The following MDGA2 variants were observed in gnomAD, a reference collection of about 807,000 sequenced individuals.
The protein encoded by MDGA2 is MAM domain-containing glycosylphosphatidylinositol anchor protein 2.
A neutral mutation model predicts 117.8 loss-of-function variants in MDGA2; 40 were observed. The ratio of observed to expected loss-of-function variants is 0.34; its 90% CI spans 0.26 to 0.44. MDGA2 has a LOEUF of 0.44. Among genes scored for constraint, MDGA2 ranks in the 20% least tolerant of loss-of-function variants. MDGA2 has a pLI of 1.00. For synonymous variants in MDGA2, 452 were observed against 439.0 expected, an observed-to-expected ratio of 1.03 and a Z score of -0.37; for missense variants, 1,123 against 1,250.6, an observed-to-expected ratio of 0.90 and a Z score of 1.54.
intron 1 of MDGA2, among the ~76,000 whole-genome samples, chr14:47,508,449 G>A (rs1342250156): frequency 4.7e-5 from 7 of 149,576 alleles, no homozygotes; most frequent in African/African-American, 1.8e-4. Context: ...GAAACAGAAG[G>A]GAAAAAAGAA....
chr14:47,183,950 C>A (rs1380236497), intron 3 of MDGA2, among the ~76,000 whole-genome samples: 1 of 152,010 alleles, frequency 6.6e-6, no homozygotes, highest in African/African-American at 2.4e-5. Flanking sequence ...TCAACTTAGA[C>A]ATCAATTCCA....
chr14:46,985,041 AAAG>A (rs777675793), intron 8 of MDGA2, among the ~76,000 whole-genome samples: 1 of 152,024 alleles, frequency 6.6e-6, no homozygotes, highest in Non-Finnish European at 1.5e-5. Context: ...GACAGCAGTA[AAAG>A]AAGAATAGAG....
intron 1 of MDGA2, among the ~76,000 whole-genome samples, chr14:47,569,349 A>G (rs1260507021): frequency 6.6e-6 from 1 of 152,304 alleles, no homozygotes; most frequent in East Asian, 1.9e-4. Context: ...CAGGGGATGG[A>G]TCTTGAGTAC....
chr14:46,966,635 T>A (rs1886041072), intron 8 of MDGA2, among the ~76,000 whole-genome samples: 1 of 152,152 alleles, frequency 6.6e-6, no homozygotes, highest in South Asian at 2.1e-4. Flanking sequence ...TATATTATAA[T>A]CTATACAAGT....
intron 3 of MDGA2, among the ~76,000 whole-genome samples, chr14:47,152,588 A>G (rs1449482366): frequency 6.6e-6 from 1 of 152,192 alleles, no homozygotes; most frequent in Non-Finnish European, 1.5e-5. Context: ...TATGTTCATT[A>G]TCTTCATGCA....
chr14:47,298,908 G>A (rs925704625), intron 2 of MDGA2, among the ~76,000 whole-genome samples: 3 of 151,790 alleles, frequency 2.0e-5, no homozygotes, highest in Admixed American at 2.0e-4. Context: ...GGATGGTCTC[G>A]ATCTCCTGAC....
At chr14:47,624,151 C>T (rs918666365) in intron 1 of MDGA2, among the ~76,000 whole-genome samples, 6 of 152,280 alleles carry the variant, frequency 3.9e-5, no homozygotes, top group African/African-American at 1.4e-4. Context: ...GTCCTCGTTC[C>T]TTTTGTCTGA....
chr14:46,861,949 A>G lies in MDGA2; in HGVS notation c.2753-6795T>C, dbSNP rs867948702. On this transcript the variant is annotated intron_variant, in intron 14 of 16. Coordinates refer to ENST00000399232, the MANE Select transcript of MDGA2 (RefSeq NM_001113498.3). ...CTATTCAAGAGAAGTTAGATTCAGC[A>G]AAGCTGATTCAGCACATTATAGTAT... Among the ~76,000 whole-genome samples, 4 of 152,014 alleles carry G rather than the reference A, an allele frequency of 2.6e-5. No homozygotes were observed. The South Asian group carries it at 8.3e-4, about 31-fold the overall frequency.
intron 10 of MDGA2, among the ~76,000 whole-genome samples, chr14:46,905,937 A>T (rs2933184): frequency 0.99 from 149,924 of 152,178 alleles, 73,882 homozygotes; most frequent in East Asian, 1. Flanking sequence ...AGCTGCATAG[A>T]TAAAATTGTT....
At chr14:46,906,833 C>A (rs1883511983) in intron 10 of MDGA2, among the ~76,000 whole-genome samples, 1 of 151,982 alleles carries the variant, frequency 6.6e-6, no homozygotes, top group Non-Finnish European at 1.5e-5. Context: ...AGAAGGAAAT[C>A]ATTTTGCCCA....
intron 1 of MDGA2, among the ~76,000 whole-genome samples, chr14:47,383,775 T>C (rs1211135160): frequency 1.3e-5 from 2 of 152,140 alleles, no homozygotes; most frequent in African/African-American, 2.4e-5. Flanking sequence ...TCCACACGCC[T>C]CAGCCTCCCA....
chr14:47,414,285 C>T (rs1029251160), intron 1 of MDGA2, among the ~76,000 whole-genome samples: 4 of 152,150 alleles, frequency 2.6e-5, no homozygotes, highest in Admixed American at 1.3e-4. Context: ...AAGAGCCATG[C>T]TTACCGGTTG....
intron 5 of MDGA2, among the ~76,000 whole-genome samples, chr14:47,113,901 G>A (rs1566632246): frequency 1.3e-5 from 2 of 152,082 alleles, no homozygotes; most frequent in African/African-American, 2.4e-5. Context: ...TGGAAGTTCT[G>A]GCCAGGGCAA....
chr14:47,378,867 C>T (rs868773530), intron 1 of MDGA2, among the ~76,000 whole-genome samples: 14 of 152,120 alleles, frequency 9.2e-5, no homozygotes, highest in East Asian at 3.9e-4. Context: ...ATACAGAGAA[C>T]GCCACAAAGA....
chr14:47,557,656 C>T (rs1001469878), intron 1 of MDGA2, among the ~76,000 whole-genome samples: 1 of 152,136 alleles, frequency 6.6e-6, no homozygotes, highest in Non-Finnish European at 1.5e-5. Flanking sequence ...CAAACTAAAT[C>T]CATTTCTCAA....
intron 3 of MDGA2, among the ~76,000 whole-genome samples, chr14:47,172,721 G>A (rs963812527): frequency 7.9e-5 from 12 of 152,090 alleles, no homozygotes; most frequent in African/African-American, 2.4e-4. Context: ...GAAAAACTGG[G>A]AACTCTAAAA....
chr14:47,663,346 G>A (rs1743839487), intron 1 of MDGA2, among the ~76,000 whole-genome samples: 1 of 152,154 alleles, frequency 6.6e-6, no homozygotes, highest in South Asian at 2.1e-4. Flanking sequence ...ACAGTCCTGA[G>A]TAAAGATTGC....
At chr14:47,347,401 A>C (rs560376239) in intron 1 of MDGA2, among the ~76,000 whole-genome samples, 1 of 152,158 alleles carries the variant, frequency 6.6e-6, no homozygotes, top group African/African-American at 2.4e-5. Context: ...TAAATGTAAC[A>C]TGTTTTGATG....
chr14:46,847,647 G>A (rs1263611931), intron 15 of MDGA2, among the ~76,000 whole-genome samples: 1 of 151,884 alleles, frequency 6.6e-6, no homozygotes, highest in Non-Finnish European at 1.5e-5. Context: ...GAACATTTGA[G>A]AGAATTGAAT....
Sources: gnomAD v4.1 joint callset for allele counts (sites outside exome capture counted in the v4.1 genomes callset) on GRCh38, gnomAD v4.1.1 for gene constraint, MANE v1.5 for transcripts, NCBI Gene and HGNC (gene_info 2026-07-23, HGNC 2026-07-21) for gene names.